The following TMEM17 variants were observed in gnomAD, a reference collection of about 807,000 sequenced individuals.
The protein encoded by TMEM17 is transmembrane protein 17.
In TMEM17, 15 loss-of-function variants were observed where a neutral mutation model predicts 19.1. The observed-to-expected ratio is 0.78, with a 90% confidence interval of 0.52 to 1.21. The LOEUF is 1.21. Among genes scored for constraint, TMEM17 ranks in the 50% most tolerant of loss-of-function variants. The pLI is 0.00. For missense variants in TMEM17, 245 were observed against 242.3 expected, an observed-to-expected ratio of 1.01 and a Z score of -0.07; for synonymous variants, 103 against 86.9, an observed-to-expected ratio of 1.19 and a Z score of -1.03.
the TMEM17 span, among the ~76,000 whole-genome samples, chr2:62,471,618 G>C: frequency 1.3e-5 from 2 of 152,248 alleles, no homozygotes; most frequent in Non-Finnish European, 2.9e-5. Context: ...CTGGAATTCA[G>C]CAGGTGCTCA....
In TMEM17 at chr2:62,502,822, T is replaced by C. The variant is rs74631935; in HGVS notation, c.101-28A>G. The C allele has an allele frequency of 4.3e-3, 6,128 of 1,429,126 alleles. 208 individuals carry two copies. In the African/African-American group the frequency reaches 0.075, roughly 18 times the overall value. The allele number at this position is 1,429,126 out of a possible 1,614,324, so 88.5% of individuals were successfully genotyped here. A position where few individuals can be genotyped will look rare whatever the true frequency, so the allele number is the denominator to read the frequency against. ...ACAGAAGGAACAGAAAAGGAACAAA[T>C]GATGAATCTTGGGTTTATGCCCTAT... is the stretch of plus-strand genomic sequence containing the variant. On this transcript the variant is annotated intron_variant, in intron 1 of 3. Transcript: ENST00000335390.
chr2:62,490,474 G>A, the TMEM17 span, among the ~76,000 whole-genome samples: 1 of 152,120 alleles, frequency 6.6e-6, no homozygotes, highest in African/African-American at 2.4e-5. Flanking sequence ...ATGTTGCCAG[G>A]CTGGTCTCTA....
At chr2:62,483,626 G>T in the TMEM17 span, among the ~76,000 whole-genome samples, 6 of 137,558 alleles carry the variant, frequency 4.4e-5, no homozygotes, top group Non-Finnish European at 9.2e-5. Context: ...TTTGAGACAA[G>T]TTCACTCTTG....
chr2:62,497,798 C>A (rs1049467821), downstream of TMEM17, among the ~76,000 whole-genome samples: 3 of 152,284 alleles, frequency 2.0e-5, no homozygotes, highest in Non-Finnish European at 4.4e-5. Flanking sequence ...AGGGTTAATG[C>A]GCTAATCCTG....
the TMEM17 span, among the ~76,000 whole-genome samples, chr2:62,478,490 C>T: frequency 6.6e-6 from 1 of 152,236 alleles, no homozygotes; most frequent in African/African-American, 2.4e-5. Context: ...TCCCATCCTG[C>T]ACACGTGGAT....
chr2:62,477,148 G>A, the TMEM17 span, among the ~76,000 whole-genome samples: 1 of 152,192 alleles, frequency 6.6e-6, no homozygotes, highest in African/African-American at 2.4e-5. Flanking sequence ...TGTAATCCCA[G>A]CACTTTGGGA....
chr2:62,474,659 G>T, the TMEM17 span, among the ~76,000 whole-genome samples: 4 of 152,082 alleles, frequency 2.6e-5, no homozygotes, highest in Non-Finnish European at 5.9e-5. Flanking sequence ...ACCCATGGGA[G>T]ACACAGCCCA....
the TMEM17 span, among the ~76,000 whole-genome samples, chr2:62,477,382 G>A: frequency 7.7e-6 from 1 of 129,434 alleles, no homozygotes; most frequent in Admixed American, 8.2e-5. Context: ...GGGCGACAGA[G>A]CGAGACTCCG....
the TMEM17 span, among the ~76,000 whole-genome samples, chr2:62,459,403 A>G: frequency 6.6e-6 from 1 of 152,250 alleles, no homozygotes; most frequent in Non-Finnish European, 1.5e-5. Flanking sequence ...CTTTGTCCTC[A>G]GGTTGGCCTG....
chr2:62,501,296 T>G lies in TMEM17; in HGVS notation c.510A>C (p.Ala170=). 6.2e-7 allele frequency: 1 copy of G among 1,614,228 alleles called. No individual in the cohort carries two copies. The highest frequency in any genetic ancestry group is 8.5e-7 in the Non-Finnish European group (1 of 1,180,032). ...CAAAGTCTTGGAGGTGGAAACGAACTGCCAACTGATTAACCATTTTCCTTA... is the reference window on the plus strand; with the variant it reads ...CAAAGTCTTGGAGGTGGAAACGAACGGCCAACTGATTAACCATTTTCCTTA... ...LTLRKMVNQL[A]VRFHLQDFDR... is the part of the protein sequence containing the mutation. The change falls in exon 4 of 4, where the codon GCA becomes GCC. Residue 170 remains alanine, a synonymous_variant. Coordinates refer to ENST00000335390, the MANE Select transcript of TMEM17 (RefSeq NM_198276.3).
downstream of TMEM17, among the ~76,000 whole-genome samples, chr2:62,498,647 C>A (rs1289520110): frequency 6.9e-6 from 1 of 145,742 alleles, no homozygotes; most frequent in East Asian, 2.0e-4. Flanking sequence ...ACCCGGGAGG[C>A]GGAGCTTGCA....
the TMEM17 span, among the ~76,000 whole-genome samples, chr2:62,467,842 G>T: frequency 1.3e-5 from 2 of 151,892 alleles, no homozygotes; most frequent in African/African-American, 4.8e-5. Context: ...TGGGGTGGTG[G>T]GTGAGCTTCC....
At chr2:62,461,838 G>T in the TMEM17 span, among the ~76,000 whole-genome samples, 1 of 152,224 alleles carries the variant, frequency 6.6e-6, no homozygotes, top group Admixed American at 6.5e-5. Context: ...GATACTGCCT[G>T]TAATGGCCGA....
chr2:62,492,911 A>G, the TMEM17 span, among the ~76,000 whole-genome samples: 1 of 152,206 alleles, frequency 6.6e-6, no homozygotes, highest in African/African-American at 2.4e-5. Context: ...GTGCATGGGA[A>G]GAACTGCAGC....
chr2:62,479,889 CAAAA>C, the TMEM17 span, among the ~76,000 whole-genome samples: 1 of 68,896 alleles, frequency 1.5e-5, no homozygotes, highest in African/African-American at 4.9e-5. Context: ...AGACCTGTCT[CAAAA>C]AAAAAAAAAA....
chr2:62,501,107 A>T lies in TMEM17; in HGVS notation c.*102T>A. Reference sequence around the variant, plus strand: ...GAATTTCAGAGTGAGAGCATATACAATTCAAAACACTTGCTTTGTCCCTTT... The same window carrying T: ...GAATTTCAGAGTGAGAGCATATACATTTCAAAACACTTGCTTTGTCCCTTT... On this transcript the variant is annotated 3_prime_UTR_variant, in exon 4 of 4. Coordinates refer to ENST00000335390, the MANE Select transcript of TMEM17 (RefSeq NM_198276.3). The T allele has an allele frequency of 7.3e-7, 1 of 1,371,496 alleles. No homozygotes were observed. Among genetic ancestry groups the T allele is most frequent in the Non-Finnish European group, 1.0e-6 (1 of 1,004,328 alleles). 85.0% of individuals were successfully genotyped at this position (1,371,496 alleles called of 1,614,324 possible). A position where few individuals can be genotyped will look rare whatever the true frequency, so the allele number is the denominator to read the frequency against.
chr2:62,478,830 T>A, the TMEM17 span, among the ~76,000 whole-genome samples: 1 of 152,228 alleles, frequency 6.6e-6, no homozygotes, highest in Admixed American at 6.5e-5. Flanking sequence ...TAGCTCTAGT[T>A]CTATCCTAAT....
chr2:62,501,696 T>C (rs1018426197), intron 3 of TMEM17: 2 of 529,326 alleles, frequency 3.8e-6, no homozygotes, highest in African/African-American at 1.9e-5. Context: ...TACTACACTT[T>C]AGTGAACAAT....
At chr2:62,493,654 G>T in the TMEM17 span, among the ~76,000 whole-genome samples, 1 of 152,162 alleles carries the variant, frequency 6.6e-6, no homozygotes, top group South Asian at 2.1e-4. Context: ...TGGCATTTCA[G>T]CTTGTTAGGA....
Sources: gnomAD v4.1 joint callset for allele counts (sites outside exome capture counted in the v4.1 genomes callset) on GRCh38, gnomAD v4.1.1 for gene constraint, MANE v1.5 for transcripts, NCBI Gene and HGNC (gene_info 2026-07-23, HGNC 2026-07-21) for gene names.